Variants in MGST3 observed in about 807,000 individuals in gnomAD.
The protein encoded by MGST3 is glutathione S-transferase 3, mitochondrial.
Under a neutral mutation model 15.8 loss-of-function variants are expected in MGST3, and 13 were observed. The ratio of observed to expected loss-of-function variants is 0.82; its 90% CI spans 0.54 to 1.31. The LOEUF (loss-of-function observed/expected upper bound fraction) is 1.31, where lower values mean the gene tolerates loss of function less well. Ranked by LOEUF, MGST3 falls within the 50% of genes most tolerant of loss-of-function variation. MGST3 has a pLI of 0.00. For synonymous variants in MGST3, 49 were observed against 68.1 expected, an observed-to-expected ratio of 0.72 and a Z score of 1.38; for missense variants, 155 against 192.4, an observed-to-expected ratio of 0.81 and a Z score of 1.15.
At chr1:165,642,002 A>G (rs1648276173) in intron 1 of MGST3, among the ~76,000 whole-genome samples, 1 of 152,344 alleles carries the variant, frequency 6.6e-6, no homozygotes, top group South Asian at 2.1e-4. Flanking sequence ...TACCTCTGCA[A>G]TTGCTAATAA....
At chr1:165,646,865 T>C (rs996795171) in intron 1 of MGST3, 1 of 152,254 alleles carries the variant, frequency 6.6e-6, no homozygotes, top group Non-Finnish European at 1.5e-5. Context: ...TGCAAGGAGG[T>C]ATCAGGGAGG....
chr1:165,635,968 T>C (rs1184382840), intron 1 of MGST3: 2 of 152,224 alleles, frequency 1.3e-5, no homozygotes, highest in African/African-American at 4.8e-5. Context: ...TGCAATGCAA[T>C]TGTCGGGGGA....
intron 1 of MGST3, among the ~76,000 whole-genome samples, chr1:165,635,156 T>A (rs973613205): frequency 6.6e-6 from 1 of 151,724 alleles, no homozygotes; most frequent in Non-Finnish European, 1.5e-5. Context: ...GGGTTGTCCC[T>A]GGGATCACAT....
In MGST3 at chr1:165,641,693, T is replaced by C. The variant is rs9333427; in HGVS notation, c.-7-8148T>C. On this transcript the variant is annotated intron_variant, in intron 1 of 5. Transcript: ENST00000367889. ...TAAATGGGTAGTATTTTCCCTGTTT[T>C]GTAGAGAAATTAGATACATCCTAAA... Among the ~76,000 whole-genome samples, 1,497 of 152,354 alleles carry C rather than the reference T, an allele frequency of 9.8e-3. 52 individuals carry two copies. Among genetic ancestry groups the C allele is most frequent in the Admixed American group, 0.059 (903 of 15,306 alleles).
chr1:165,648,096 G>C (rs1648456095), intron 1 of MGST3, among the ~76,000 whole-genome samples: 1 of 152,188 alleles, frequency 6.6e-6, no homozygotes, highest in Non-Finnish European at 1.5e-5. Flanking sequence ...AACTACTGTG[G>C]CTTCCTCCTC....
At chr1:165,649,144 T>A (rs1367110076) in intron 1 of MGST3, 1 of 152,822 alleles carries the variant, frequency 6.5e-6, no homozygotes, top group Non-Finnish European at 1.5e-5. Flanking sequence ...TCAGGAGCCA[T>A]GCTCTGCTTT....
At position 165,655,392 on chromosome 1, in the gene MGST3, C is replaced by G; in HGVS notation, c.347C>G (p.Ala116Gly). ...TGEPSKRSRG[A>G]LGSIALLGLV... is the part of the protein sequence containing the mutation. The stretch of plus-strand genomic sequence containing the variant: ...GAACCCAGCAAGCGTAGTCGAGGAG[C>G]CCTGGGGTCCATCGCCCTCCTGGGC... The change falls in exon 6 of 6, where the codon GCC becomes GGC. Residue 116 changes from alanine (A) to glycine (G), a missense_variant. Physicochemically the swap from Ala to Gly is moderately conservative, Grantham distance 60. Coordinates refer to ENST00000367889, the MANE Select transcript of MGST3 (RefSeq NM_004528.4). 1 of 1,614,044 alleles carries G rather than the reference C, an allele frequency of 6.2e-7. No homozygotes were observed. Among genetic ancestry groups the G allele is most frequent in the Non-Finnish European group, 8.5e-7 (1 of 1,179,990 alleles).
At chr1:165,642,997 T>C (rs191319466) in intron 1 of MGST3, among the ~76,000 whole-genome samples, 82 of 152,326 alleles carry the variant, frequency 5.4e-4, no homozygotes, top group African/African-American at 1.7e-3. Context: ...TTTTTTTAGA[T>C]ATGTATTTGC....
intron 1 of MGST3, among the ~76,000 whole-genome samples, chr1:165,637,301 G>C (rs1478296503): frequency 6.6e-6 from 1 of 152,156 alleles, no homozygotes; most frequent in Admixed American, 6.5e-5. Flanking sequence ...TTATTTATTT[G>C]GGAGCAAAGA....
At chr1:165,649,751 C>A in intron 1 of MGST3, 90 bp from the exon 2 acceptor site, 1 of 1,521,674 alleles carries the variant, frequency 6.6e-7, no homozygotes, top group Non-Finnish European at 9.1e-7. Context: ...TACTCATTTG[C>A]CAGTAATAAA....
intron 1 of MGST3, chr1:165,645,684 G>A (rs1001901699): frequency 3.9e-5 from 6 of 152,118 alleles, no homozygotes; most frequent in East Asian, 1.9e-4. Context: ...AGTGTACTAC[G>A]ATGTTACAAT....
intron 1 of MGST3, among the ~76,000 whole-genome samples, chr1:165,633,410 G>A (rs953456303): frequency 1.3e-5 from 2 of 151,908 alleles, no homozygotes; most frequent in African/African-American, 2.4e-5. Context: ...TGGAACTTGC[G>A]TTCTACGATT....
chr1:165,637,510 T>C (rs1177389851), intron 1 of MGST3, among the ~76,000 whole-genome samples: 1 of 152,154 alleles, frequency 6.6e-6, no homozygotes, highest in Non-Finnish European at 1.5e-5. Flanking sequence ...CCAAGAGGAA[T>C]TTGGGAAGTA....
chr1:165,641,497 A>G lies in MGST3; in HGVS notation c.-7-8344A>G, dbSNP rs927970995. ...AATCAGAACTATTGTGTAAGAGCAT[A>G]CAACTGATTTGTAGAAAAACCAGTA... On this transcript the variant is annotated intron_variant, in intron 1 of 5. Coordinates refer to ENST00000367889, the MANE Select transcript of MGST3 (RefSeq NM_004528.4). 3.8e-4 allele frequency among the ~76,000 whole-genome samples: 58 copies of G among 152,272 alleles called. 1 individual carries two copies. The highest frequency in any genetic ancestry group is 2.1e-4 in the Non-Finnish European group (14 of 68,042).
chr1:165,654,239 T>C (rs759193726), intron 4 of MGST3, 40 bp from the exon 5 acceptor site: 243 of 1,593,464 alleles, frequency 1.5e-4, no homozygotes, highest in Non-Finnish European at 2.0e-4. Flanking sequence ...GGTTTGCTTG[T>C]TTCTTTCATG....
At chr1:165,637,429 A>G (rs1648142363) in intron 1 of MGST3, among the ~76,000 whole-genome samples, 2 of 152,186 alleles carry the variant, frequency 1.3e-5, no homozygotes. Flanking sequence ...CAGGTACCCA[A>G]ATCCATAAAG....
intron 3 of MGST3, chr1:165,651,734 T>C (rs1648562212): frequency 2.3e-6 from 1 of 433,348 alleles, no homozygotes; most frequent in Non-Finnish European, 4.2e-6. Flanking sequence ...CAAAACCCCA[T>C]CTCTACAAAA....
chr1:165,636,887 G>C (rs1648127840), intron 1 of MGST3: 1 of 152,232 alleles, frequency 6.6e-6, no homozygotes, highest in African/African-American at 2.4e-5. Context: ...GAAACATCTG[G>C]ATGCAGAAGT....
chr1:165,652,085 TATTATC>T (rs9333479), intron 4 of MGST3, 50 bp downstream of exon 4: 262,567 of 1,266,556 alleles, frequency 0.21, 28,752 homozygotes, highest in South Asian at 0.34. Flanking sequence ...TTCACTGAGC[TATTATC>T]AGGGACAGAA....
Sources: gnomAD v4.1 joint callset for allele counts (sites outside exome capture counted in the v4.1 genomes callset) on GRCh38, gnomAD v4.1.1 for gene constraint, MANE v1.5 for transcripts, NCBI Gene and HGNC (gene_info 2026-07-23, HGNC 2026-07-21) for gene names.